PCDHA7: variants seen among roughly 807,000 people sequenced by gnomAD.
PCDHA7 encodes protocadherin alpha 7.
In PCDHA7, 37 loss-of-function variants were observed where a neutral mutation model predicts 57.2. The observed-to-expected ratio is 0.65, with a 90% CI of 0.50 to 0.85. The LOEUF is 0.85. Ranked by LOEUF, PCDHA7 falls within the 40% of genes least tolerant of loss-of-function variation. PCDHA7 has a pLI of 0.00. For synonymous variants in PCDHA7, 553 were observed against 558.8 expected, an observed-to-expected ratio of 0.99 and a Z score of 0.15; for missense variants, 1,188 against 1,241.8, an observed-to-expected ratio of 0.96 and a Z score of 0.65.
At chr5:140,999,973 C>A (rs1370727292) in intron 3 of PCDHA7, among the ~76,000 whole-genome samples, 2 of 152,082 alleles carry the variant, frequency 1.3e-5, no homozygotes, top group African/African-American at 4.8e-5. Context: ...AGTAGCAGCT[C>A]TAGCGGCCTC....
In PCDHA7 at chr5:140,989,027, CATT is replaced by C. The variant is rs1413017003; in HGVS notation, c.2503+6465_2503+6467del. The C allele has an allele frequency of 1.4e-4, 22 of 152,178 alleles. 1 individual carries two copies. The highest frequency in any genetic ancestry group is 1.4e-3 in the Admixed American group (22 of 15,274). The allele number at this position is 152,178 out of a possible 1,614,324, so 9.4% of individuals were successfully genotyped here. A position where few individuals can be genotyped will look rare whatever the true frequency, so the allele number is the denominator to read the frequency against. ...GACTTATTATAGTTTCTTCAGTTAT[CATT>C]GATTCCTTTAATATGCCAGCTACAT... On this transcript the variant is annotated intron_variant, in intron 3 of 3. Transcript: ENST00000525929.
At chr5:140,984,987 G>C (rs1034950978) in intron 3 of PCDHA7, among the ~76,000 whole-genome samples, 7 of 152,028 alleles carry the variant, frequency 4.6e-5, no homozygotes, top group Admixed American at 2.0e-4. Flanking sequence ...CCCCAGGCTG[G>C]AGTCCAGTGG....
rs2098420299 is a variant in PCDHA7 at position 141,011,351 on chromosome 5, A to G, written c.*1414A>G. The G allele has an allele frequency of 1.3e-5, 2 of 153,694 alleles. No homozygotes were observed. Among genetic ancestry groups the G allele is most frequent in the African/African-American group, 2.4e-5 (1 of 41,410 alleles). 9.5% of individuals were successfully genotyped at this position (153,694 alleles called of 1,614,324 possible). A position where few individuals can be genotyped will look rare whatever the true frequency, so the allele number is the denominator to read the frequency against. On this transcript the variant is annotated 3_prime_UTR_variant, in exon 4 of 4. Transcript: ENST00000525929. ...TGATGTTACCTGAAATCAATCTCCC[A>G]TATGTATGCTGTATGCTATGCTAAG...
Position 140,969,579 on chromosome 5 carries a change from G to A in PCDHA7, c.2356-9370G>A, listed in dbSNP as rs373969836. Reference sequence around the variant, plus strand: ...TCCATAAAATTGTTTGAGAAGTGAGGATTAGTCTTAATATTTAATGCTAAA... The same window carrying A: ...TCCATAAAATTGTTTGAGAAGTGAGAATTAGTCTTAATATTTAATGCTAAA... On this transcript the variant is annotated intron_variant, in intron 1 of 3. Coordinates refer to ENST00000525929, the MANE Select transcript of PCDHA7 (RefSeq NM_018910.3). 1,666 of 951,704 alleles carry A rather than the reference G, an allele frequency of 1.8e-3. 9 individuals carry two copies. The Middle Eastern group carries it at 0.019, about 11-fold the overall frequency. 59.0% of individuals were successfully genotyped at this position (951,704 alleles called of 1,614,324 possible). A position where few individuals can be genotyped will look rare whatever the true frequency, so the allele number is the denominator to read the frequency against.
chr5:140,903,346 A>G (rs76789733), intron 1 of PCDHA7, among the ~76,000 whole-genome samples: 12,326 of 152,302 alleles, frequency 0.081, 540 homozygotes, highest in Middle Eastern at 0.13. Context: ...TGCATTTTAA[A>G]AAACAAGTTT....
At position 140,882,742 on chromosome 5, in the gene PCDHA7, C is replaced by G. The variant is rs372229324; in HGVS notation, c.2355+46004C>G. Reference sequence around the variant, plus strand: ...CTCGATTTCCACTAGATGGCGCATCCGATGCAGATATTGGAGTAAACTCGG... The same window carrying G: ...CTCGATTTCCACTAGATGGCGCATCGGATGCAGATATTGGAGTAAACTCGG... On this transcript the variant is annotated intron_variant, in intron 1 of 3. Coordinates refer to ENST00000525929, the MANE Select transcript of PCDHA7 (RefSeq NM_018910.3). 126 of 1,614,092 alleles carry G rather than the reference C, an allele frequency of 7.8e-5. 1 individual carries two copies. The Middle Eastern group carries it at 1.6e-3, about 21-fold the overall frequency.
rs2150363462 is a variant in PCDHA7 at position 140,843,611 on chromosome 5, C to A, written c.2355+6873C>A. 3 of 1,595,894 alleles carry A rather than the reference C, an allele frequency of 1.9e-6. No individual in the cohort carries two copies. In the South Asian group the frequency reaches 3.3e-5, roughly 18 times the overall value. ...GCAGAGGGTGTGCTCTGGTGAGGGG[C>A]CACCGAAGACGGACCTCATGGCCTT... On this transcript the variant is annotated intron_variant, in intron 1 of 3. Coordinates refer to ENST00000525929, the MANE Select transcript of PCDHA7 (RefSeq NM_018910.3).
At chr5:140,887,994 C>T (rs1168995086) in intron 1 of PCDHA7, among the ~76,000 whole-genome samples, 1 of 152,016 alleles carries the variant, frequency 6.6e-6, no homozygotes, top group Non-Finnish European at 1.5e-5. Flanking sequence ...ATGTCTCCAC[C>T]GAATAGTCAT....
chr5:140,876,718 G>C, intron 1 of PCDHA7: 1 of 1,614,242 alleles, frequency 6.2e-7, no homozygotes, highest in Non-Finnish European at 8.5e-7. Context: ...CCTGGACCGC[G>C]AGAGCGTGTC....
At chr5:140,863,032 G>T (rs781870887) in intron 1 of PCDHA7, 2 of 556,874 alleles carry the variant, frequency 3.6e-6, no homozygotes, top group East Asian at 9.4e-5. Context: ...CGCAACAGCT[G>T]CATCTGTCAG....
chr5:140,968,741 A>T, intron 1 of PCDHA7: 1 of 1,614,106 alleles, frequency 6.2e-7, no homozygotes, highest in Non-Finnish European at 8.5e-7. Context: ...TTTCAACCTG[A>T]CCGTGGTGGT....
chr5:140,884,120 G>C, intron 1 of PCDHA7: 2 of 1,613,324 alleles, frequency 1.2e-6, no homozygotes, highest in South Asian at 2.2e-5. Flanking sequence ...GGCGGTCGGC[G>C]CGCGCATCCC....
intron 3 of PCDHA7, among the ~76,000 whole-genome samples, chr5:140,999,874 T>G (rs897953919): frequency 6.6e-6 from 1 of 152,122 alleles, no homozygotes; most frequent in Admixed American, 6.5e-5. Flanking sequence ...TTACTGAAAA[T>G]TAGCCCAGCT....
At position 141,012,295 on chromosome 5, in the gene PCDHA7, T is replaced by C. The variant is rs2098423507; in HGVS notation, c.*2358T>C. ...GTCATGTGGATTCATTTTGAATTGG[T>C]GCTATTGGTATTTCCTCTGTTATTG... On this transcript the variant is annotated 3_prime_UTR_variant, in exon 4 of 4. Coordinates refer to ENST00000525929, the MANE Select transcript of PCDHA7 (RefSeq NM_018910.3). 6.5e-6 allele frequency: 1 copy of C among 153,776 alleles called. No homozygotes were observed. The highest frequency in any genetic ancestry group is 2.4e-5 in the African/African-American group (1 of 41,466). 9.5% of individuals were successfully genotyped at this position (153,776 alleles called of 1,614,324 possible).
chr5:140,933,300 A>G (rs541308392), intron 1 of PCDHA7, among the ~76,000 whole-genome samples: 41 of 152,132 alleles, frequency 2.7e-4, no homozygotes, highest in African/African-American at 9.4e-4. Context: ...ATCTGGAAAT[A>G]AATATGCAAT....
chr5:140,925,503 C>T (rs1210013790), intron 1 of PCDHA7, among the ~76,000 whole-genome samples: 1 of 151,978 alleles, frequency 6.6e-6, no homozygotes, highest in Non-Finnish European at 1.5e-5. Context: ...TCCCAATATC[C>T]ACGCAAAAGA....
At chr5:140,917,245 G>A (rs2077971406) in intron 1 of PCDHA7, among the ~76,000 whole-genome samples, 1 of 149,588 alleles carries the variant, frequency 6.7e-6, no homozygotes, top group Non-Finnish European at 1.5e-5. Context: ...TAGGTACTAC[G>A]ATTGCTCACC....
At chr5:140,862,745 A>G (rs1403297614) in intron 1 of PCDHA7, 1 of 578,200 alleles carries the variant, frequency 1.7e-6, no homozygotes, top group Non-Finnish European at 3.3e-6. Context: ...GTGTGGGTGC[A>G]CGCGGAGAGC....
intron 1 of PCDHA7, chr5:140,858,002 G>C (rs782820218): frequency 6.3e-7 from 1 of 1,596,914 alleles, no homozygotes; most frequent in Admixed American, 1.7e-5. Flanking sequence ...GCTGGTGAAG[G>C]ACCATGGCGA....
Sources: gnomAD v4.1 joint callset for allele counts (sites outside exome capture counted in the v4.1 genomes callset) on GRCh38, gnomAD v4.1.1 for gene constraint, MANE v1.5 for transcripts, NCBI Gene and HGNC (gene_info 2026-07-23, HGNC 2026-07-21) for gene names.